SNX24: variants seen among roughly 807,000 people sequenced by gnomAD.
SNX24 encodes the protein sorting nexin 24, also known as sorting nexin-24.
In SNX24, 22 loss-of-function variants were observed where a neutral mutation model predicts 28.7. The ratio of observed to expected loss-of-function variants is 0.77; its 90% CI spans 0.55 to 1.10. The LOEUF is 1.10. SNX24 is among the 50% of genes least tolerant of loss of function. The pLI is 0.00. For missense variants in SNX24, 221 were observed against 201.1 expected (o/e 1.10, Z -0.60); for synonymous variants, 69 against 71.5 (o/e 0.96, Z 0.18).
In SNX24 at chr5:122,857,929, C is replaced by T. The variant is rs555063803; in HGVS notation, c.60+12236C>T. On this transcript the variant is annotated intron_variant, in intron 1 of 6. Transcript: ENST00000261369. The stretch of plus-strand genomic sequence containing the variant: ...TCCTGAGTAGCTGGGATTACAGGCA[C>T]GTGCCACGATGCCCGGCTAATTTTT... 2.3e-4 allele frequency among the ~76,000 whole-genome samples: 35 copies of T among 152,174 alleles called. No homozygotes were observed. The East Asian group carries it at 4.5e-3, about 19-fold the overall frequency.
intron 3 of SNX24, among the ~76,000 whole-genome samples, chr5:122,966,717 C>A (rs1581808339): frequency 6.6e-6 from 1 of 152,176 alleles, no homozygotes; most frequent in East Asian, 1.9e-4. Context: ...CTTAACCTTG[C>A]TGAGCACTAG....
At chr5:122,964,929 T>C (rs1318265596) in intron 3 of SNX24, among the ~76,000 whole-genome samples, 1 of 152,210 alleles carries the variant, frequency 6.6e-6, no homozygotes, top group African/African-American at 2.4e-5. Flanking sequence ...CAGTCTGCTA[T>C]TGAATTTTTT....
chr5:122,896,842 A>G (rs1321087422), intron 1 of SNX24, among the ~76,000 whole-genome samples: 1 of 152,250 alleles, frequency 6.6e-6, no homozygotes, highest in Non-Finnish European at 1.5e-5. Context: ...AAATTATCAC[A>G]TTATGTGACT....
chr5:122,888,817 G>A (rs1477047475), intron 1 of SNX24, among the ~76,000 whole-genome samples: 3 of 152,086 alleles, frequency 2.0e-5, no homozygotes, highest in African/African-American at 7.2e-5. Context: ...GCCTGCTTCT[G>A]GTCTTGGAAT....
chr5:122,880,500 A>C (rs1756429658), intron 1 of SNX24, among the ~76,000 whole-genome samples: 1 of 152,202 alleles, frequency 6.6e-6, no homozygotes, highest in Non-Finnish European at 1.5e-5. Context: ...TCACTAAGTG[A>C]GGATGCATGA....
intron 1 of SNX24, among the ~76,000 whole-genome samples, chr5:122,901,218 C>T (rs957595016): frequency 6.8e-6 from 1 of 147,956 alleles, no homozygotes; most frequent in Non-Finnish European, 1.5e-5. Context: ...AAAAAAAAAG[C>T]AAAATATTGC....
intron 1 of SNX24, among the ~76,000 whole-genome samples, chr5:122,915,427 A>T (rs923572628): frequency 6.6e-6 from 1 of 152,072 alleles, no homozygotes; most frequent in Non-Finnish European, 1.5e-5. Context: ...GGAGTTTGAG[A>T]CCAGCCTGGG....
intron 3 of SNX24, among the ~76,000 whole-genome samples, chr5:122,964,247 C>CAAAAAAAAAAAAA (rs34174497): frequency 3.0e-4 from 11 of 36,572 alleles, no homozygotes; most frequent in Non-Finnish European, 4.2e-4. Context: ...GACTCCATCT[C>CAAAAAAAAAAAAA]AAAAAAAAAA....
intron 1 of SNX24, among the ~76,000 whole-genome samples, chr5:122,933,179 T>C (rs1389807848): frequency 2.6e-5 from 4 of 152,192 alleles, no homozygotes; most frequent in Admixed American, 2.6e-4. Context: ...TTAATCTAGT[T>C]CATTTTCCCT....
At chr5:123,024,426 G>C (rs1415564896) in intron 5 of SNX24, among the ~76,000 whole-genome samples, 2 of 152,112 alleles carry the variant, frequency 1.3e-5, no homozygotes, top group Non-Finnish European at 2.9e-5. Context: ...CACATGTATG[G>C]GCCAGAAAGC....
intron 1 of SNX24, among the ~76,000 whole-genome samples, chr5:122,868,981 T>A (rs1373844104): frequency 6.6e-6 from 1 of 152,246 alleles, no homozygotes; most frequent in African/African-American, 2.4e-5. Context: ...CAGATAAATA[T>A]AAAATGAGAA....
At chr5:122,855,314 C>T (rs1296362833) in intron 1 of SNX24, among the ~76,000 whole-genome samples, 7 of 152,156 alleles carry the variant, frequency 4.6e-5, no homozygotes, top group African/African-American at 1.4e-4. Flanking sequence ...GTGATCTGCT[C>T]GCCTCAGCCT....
At chr5:122,853,157 C>T (rs564736740) in intron 1 of SNX24, among the ~76,000 whole-genome samples, 55 of 102,050 alleles carry the variant, frequency 5.4e-4, no homozygotes, top group East Asian at 1.8e-3. Context: ...ACGGATTCTT[C>T]GCTCTGTTGC....
chr5:123,001,854 A>C, intron 5 of SNX24, 86 bp from the exon 6 acceptor site: 2 of 1,076,744 alleles, frequency 1.9e-6, no homozygotes, highest in Non-Finnish European at 2.9e-6. Flanking sequence ...CCCGCACAGC[A>C]GTTTGATCCC....
chr5:122,979,109 G>A (rs1224670111), intron 3 of SNX24, among the ~76,000 whole-genome samples: 1 of 152,120 alleles, frequency 6.6e-6, no homozygotes, highest in East Asian at 1.9e-4. Context: ...TACAATAGTA[G>A]TACCCCCACC....
chr5:122,873,758 ATC>A (rs1756091909), intron 1 of SNX24, among the ~76,000 whole-genome samples: 2 of 146,430 alleles, frequency 1.4e-5, no homozygotes, highest in African/African-American at 2.5e-5. Context: ...TTCAAAGGGA[ATC>A]TTTTTTTTTT....
chr5:122,942,286 G>T (rs187819607), intron 2 of SNX24, among the ~76,000 whole-genome samples: 45 of 152,226 alleles, frequency 3.0e-4, no homozygotes, highest in Middle Eastern at 3.4e-3. Context: ...TTGAATAAAA[G>T]ACTTCATTTT....
chr5:122,873,660 A>T (rs1756084220), intron 1 of SNX24, among the ~76,000 whole-genome samples: 1 of 151,890 alleles, frequency 6.6e-6, no homozygotes, highest in Non-Finnish European at 1.5e-5. Flanking sequence ...TGAAGGCCTG[A>T]ATTTTACCAG....
At chr5:122,954,798 T>C (rs1158569477) in intron 3 of SNX24, among the ~76,000 whole-genome samples, 2 of 152,120 alleles carry the variant, frequency 1.3e-5, no homozygotes, top group Non-Finnish European at 2.9e-5. Flanking sequence ...GTTTTCAATA[T>C]TTTATTCTTG....
Sources: allele counts gnomAD v4.1 joint callset (sites outside exome capture counted in the v4.1 genomes callset), GRCh38; gene constraint gnomAD v4.1.1; transcripts MANE v1.5; gene names NCBI Gene and HGNC (gene_info 2026-07-23, HGNC 2026-07-21).